The following OGFOD3 variants were observed in gnomAD, a reference collection of about 807,000 sequenced individuals.
The protein encoded by OGFOD3 is 2-oxoglutarate and iron-dependent oxygenase domain-containing protein 3.
In OGFOD3, 35 loss-of-function variants were observed where a neutral mutation model predicts 39.8. The observed-to-expected ratio is 0.88, with a 90% CI of 0.67 to 1.17. OGFOD3 has a LOEUF of 1.17. Ranked by LOEUF, OGFOD3 falls within the 50% of genes most tolerant of loss-of-function variation. The pLI is 0.00. For missense variants in OGFOD3, 438 were observed against 454.5 expected, an observed-to-expected ratio of 0.96 and a Z score of 0.33; for synonymous variants, 200 against 192.0, an observed-to-expected ratio of 1.04 and a Z score of -0.34.
In OGFOD3 at chr17:82,418,565, G is replaced by A. The variant is rs531306290; in HGVS notation, c.-80C>T. On this transcript the variant is annotated 5_prime_UTR_variant, in exon 1 of 9. Coordinates refer to ENST00000313056, the MANE Select transcript of OGFOD3 (RefSeq NM_024648.3). Reference sequence around the variant, plus strand: ...ACGCCGTAACAGGGAGCGCGAGGCAGGCACGGCGCAGGGACGCGAGTGCGA... The same window carrying A: ...ACGCCGTAACAGGGAGCGCGAGGCAAGCACGGCGCAGGGACGCGAGTGCGA... 908 of 777,798 alleles carry A rather than the reference G, an allele frequency of 1.2e-3. 7 individuals carry two copies. The African/African-American group carries it at 0.015, about 13-fold the overall frequency. 48.2% of individuals were successfully genotyped at this position (777,798 alleles called of 1,614,324 possible). A position where few individuals can be genotyped will look rare whatever the true frequency, so the allele number is the denominator to read the frequency against.
intron 8 of OGFOD3, among the ~76,000 whole-genome samples, chr17:82,395,678 G>A (rs549634732): frequency 3.9e-5 from 6 of 152,272 alleles, no homozygotes; most frequent in South Asian, 2.1e-4. Context: ...ACAATTAGCC[G>A]GGCGTGGTGG....
chr17:82,418,423 C>T lies in OGFOD3; in HGVS notation c.63G>A (p.Arg21=). The T allele has an allele frequency of 6.8e-7, 1 of 1,479,836 alleles. No individual in the cohort carries two copies. Among genetic ancestry groups the T allele is most frequent in the Admixed American group, 2.2e-5 (1 of 44,480 alleles). 91.7% of individuals were successfully genotyped at this position (1,479,836 alleles called of 1,614,324 possible). The change falls in exon 1 of 9, where the codon CGG becomes CGA. Residue 21 remains arginine, a synonymous_variant. Transcript: ENST00000313056. The part of the protein sequence containing the change: ...APEGNGAAER[R]NRSSTKKDRA... ...CTCCTCACCGCTACCTGCTCCGGTT[C>T]CGGCGCTCGGCCGCTCCGTTGCCCT...
intron 8 of OGFOD3, chr17:82,394,595 G>A (rs746798516): frequency 2.7e-6 from 4 of 1,467,492 alleles, no homozygotes; most frequent in Non-Finnish European, 2.8e-6. Context: ...CCAGGGGCCT[G>A]GGCGGTGCAC....
chr17:82,405,791 A>T (rs537175085), intron 5 of OGFOD3, among the ~76,000 whole-genome samples: 56 of 152,040 alleles, frequency 3.7e-4, no homozygotes, highest in Non-Finnish European at 8.1e-4. Flanking sequence ...CTCTACTAAA[A>T]ATACAAAAAT....
In OGFOD3 at chr17:82,404,123, C is replaced by G; in HGVS notation, c.546-33G>C. Reference sequence around the variant, plus strand: ...GGACACAATAGCCGTCAGCGCAGCCCCAGGCGGGAGGGGACGCTCGTGGGT... The same window carrying G: ...GGACACAATAGCCGTCAGCGCAGCCGCAGGCGGGAGGGGACGCTCGTGGGT... On this transcript the variant is annotated intron_variant, in intron 6 of 8. Transcript: ENST00000313056. This position sits in a 1 kb window ranked among gnomAD's most constrained non-coding sequence, Gnocchi z 4.5. 1 of 1,540,578 alleles carries G rather than the reference C, an allele frequency of 6.5e-7. No homozygotes were observed. The highest frequency in any genetic ancestry group is 8.8e-7 in the Non-Finnish European group (1 of 1,139,796).
intron 8 of OGFOD3, chr17:82,393,242 C>T (rs1001823677): frequency 6.6e-6 from 1 of 152,292 alleles, no homozygotes; most frequent in Non-Finnish European, 1.5e-5. Flanking sequence ...AAGCAAGGGG[C>T]GTTGAGACTC....
intron 7 of OGFOD3, among the ~76,000 whole-genome samples, chr17:82,402,953 C>T (rs1326827963): frequency 2.0e-5 from 3 of 151,756 alleles, no homozygotes; most frequent in Admixed American, 6.6e-5. Flanking sequence ...TAGTCTCAGT[C>T]CCAGGCTGAG....
intron 7 of OGFOD3, chr17:82,400,902 A>C (rs1364288350): frequency 6.6e-6 from 1 of 152,212 alleles, no homozygotes; most frequent in Admixed American, 6.5e-5. Flanking sequence ...TGATGAGCAG[A>C]CAAAATTCGG....
At chr17:82,403,853 C>G (rs1191437150) in intron 7 of OGFOD3, 84 bp downstream of exon 7, 1 of 1,489,350 alleles carries the variant, frequency 6.7e-7, no homozygotes, top group African/African-American at 1.4e-5. Context: ...GCGCGCTCAC[C>G]CTGCCCACGT....
chr17:82,409,059 G>A (rs981495710), intron 4 of OGFOD3, among the ~76,000 whole-genome samples: 23 of 152,278 alleles, frequency 1.5e-4, no homozygotes, highest in African/African-American at 4.8e-4. Flanking sequence ...CTCCCACCCC[G>A]CTCCCTTGCC....
intron 3 of OGFOD3, 52 bp from the exon 4 acceptor site, chr17:82,409,462 A>G: frequency 6.4e-7 from 1 of 1,562,556 alleles, no homozygotes; most frequent in Non-Finnish European, 8.8e-7. Context: ...TCTATAATGT[A>G]TAATCTAGGC....
chr17:82,417,228 C>T (rs1162892403), intron 1 of OGFOD3: 1 of 152,162 alleles, frequency 6.6e-6, no homozygotes, highest in African/African-American at 2.4e-5. Flanking sequence ...TAGTTGCAAG[C>T]TAGTCTGATG....
rs2052858961 is a variant in OGFOD3, at chr17:82,406,530, T to C, written c.424-48A>G. On this transcript the variant is annotated intron_variant, in intron 4 of 8. Transcript: ENST00000313056. This position sits in a 1 kb window ranked among gnomAD's most constrained non-coding sequence, Gnocchi z 5.2. ...AAGCGTGCAGCCGCAGCAATGGCAA[T>C]GGCTGTTAAAAGTCATGGATGGTAA... is the stretch of plus-strand genomic sequence containing the variant. 2.6e-6 allele frequency: 4 copies of C among 1,510,226 alleles called. No homozygotes were observed. The highest frequency in any genetic ancestry group is 1.4e-5 in the African/African-American group (1 of 72,886). The allele number at this position is 1,510,226 out of a possible 1,614,324, so 93.6% of individuals were successfully genotyped here.
chr17:82,397,097 A>C (rs1226994587), intron 8 of OGFOD3, among the ~76,000 whole-genome samples: 2 of 152,136 alleles, frequency 1.3e-5, no homozygotes, highest in Non-Finnish European at 2.9e-5. Context: ...GTGGAAAGAG[A>C]GTCCCTCAAA....
chr17:82,398,101 T>A, intron 8 of OGFOD3, 95 bp downstream of exon 8: 1 of 1,486,918 alleles, frequency 6.7e-7, no homozygotes, highest in Non-Finnish European at 9.3e-7. Flanking sequence ...AGATGCTCCG[T>A]GAACTCAGCC....
At chr17:82,394,502 C>T in intron 8 of OGFOD3, 1 of 1,613,688 alleles carries the variant, frequency 6.2e-7, no homozygotes, top group Non-Finnish European at 8.5e-7. Flanking sequence ...GGTCCATTAA[C>T]TTCTTGGAAC....
At chr17:82,412,371 C>T (rs546437450) in intron 2 of OGFOD3, among the ~76,000 whole-genome samples, 204 of 113,522 alleles carry the variant, frequency 1.8e-3, no homozygotes, top group Middle Eastern at 6.1e-3. Context: ...GGGGCAGGGG[C>T]ATGGTTATCG....
chr17:82,396,612 T>C (rs1290906228), intron 8 of OGFOD3: 1 of 152,246 alleles, frequency 6.6e-6, no homozygotes, highest in Non-Finnish European at 1.5e-5. Context: ...CTCAAGTATT[T>C]ATCATGCTTA....
Position 82,415,640 on chromosome 17 carries a change from A to G in OGFOD3, c.75-13T>C. On this transcript the variant is annotated splice_polypyrimidine_tract_variant and intron_variant, in intron 1 of 8. Coordinates refer to ENST00000313056, the MANE Select transcript of OGFOD3 (RefSeq NM_024648.3). The surrounding 1 kb of genome is among the most constrained non-coding windows in gnomAD (Gnocchi z 5.3). ...GTCCTTCTTGGTGCTGAGAACAGAA[A>G]ACAGGCCACGTCACCCAAACACGGA... 1 of 1,598,416 alleles carries G rather than the reference A, an allele frequency of 6.3e-7. No individual in the cohort carries two copies. The highest frequency in any genetic ancestry group is 8.5e-7 in the Non-Finnish European group (1 of 1,169,882).
Sources: gnomAD v4.1 joint callset for allele counts (sites outside exome capture counted in the v4.1 genomes callset) on GRCh38, gnomAD v4.1.1 for gene constraint, Gnocchi (gnomAD v3.1) non-coding constraint, MANE v1.5 for transcripts, NCBI Gene and HGNC (gene_info 2026-07-23, HGNC 2026-07-21) for gene names.